NCKAP5: variants seen among roughly 807,000 people sequenced by gnomAD.
NCKAP5 encodes nck-associated protein 5.
Under a neutral mutation model 167.0 loss-of-function variants are expected in NCKAP5, and 92 were observed. The ratio of observed to expected loss-of-function variants is 0.55; its 90% CI spans 0.47 to 0.66. The LOEUF is 0.66. Ranked by LOEUF, NCKAP5 falls within the 30% of genes least tolerant of loss-of-function variation. NCKAP5 has a pLI of 0.00. For missense variants in NCKAP5, 2,378 were observed against 2,315.0 expected, an observed-to-expected ratio of 1.03 and a Z score of -0.56; for synonymous variants, 891 against 877.4, an observed-to-expected ratio of 1.02 and a Z score of -0.27.
At chr2:133,388,898 G>A (rs1179726548) in intron 3 of NCKAP5, among the ~76,000 whole-genome samples, 3 of 152,240 alleles carry the variant, frequency 2.0e-5, no homozygotes, top group African/African-American at 7.2e-5. Context: ...CGCAGTATTA[G>A]GGTGGGAGTG....
At chr2:133,091,241 C>T (rs1281928565) in intron 6 of NCKAP5, among the ~76,000 whole-genome samples, 1 of 152,154 alleles carries the variant, frequency 6.6e-6, no homozygotes, top group East Asian at 1.9e-4. Context: ...TCTTCATAGG[C>T]ATGCAAGAAC....
At chr2:133,360,598 T>C (rs1449965308) in intron 3 of NCKAP5, among the ~76,000 whole-genome samples, 1 of 152,118 alleles carries the variant, frequency 6.6e-6, no homozygotes, top group Non-Finnish European at 1.5e-5. Context: ...AGGAGTCCTT[T>C]CATTGTCTTC....
chr2:133,156,570 C>T (rs190687580), intron 5 of NCKAP5, among the ~76,000 whole-genome samples: 71 of 152,286 alleles, frequency 4.7e-4, no homozygotes, highest in Middle Eastern at 3.4e-3. Context: ...TAACGCTTTG[C>T]TCCACACAAG....
intron 3 of NCKAP5, among the ~76,000 whole-genome samples, chr2:133,411,125 T>C (rs1027762398): frequency 6.6e-6 from 1 of 152,212 alleles, no homozygotes; most frequent in Non-Finnish European, 1.5e-5. Flanking sequence ...ACTTATAAAA[T>C]GAGGATCATA....
At chr2:132,831,738 T>C (rs1194166999) in intron 11 of NCKAP5, among the ~76,000 whole-genome samples, 1 of 152,110 alleles carries the variant, frequency 6.6e-6, no homozygotes, top group Non-Finnish European at 1.5e-5. Context: ...CTTGGTTTTG[T>C]ATTTAAATAT....
chr2:133,434,098 G>A (rs1214621443), intron 3 of NCKAP5, among the ~76,000 whole-genome samples: 5 of 151,456 alleles, frequency 3.3e-5, no homozygotes, highest in Admixed American at 2.0e-4. Context: ...TTAAATACTT[G>A]GAATCAAAAA....
At chr2:132,920,785 A>ATGTATGTATGTGTG (rs1695350045) in intron 8 of NCKAP5, among the ~76,000 whole-genome samples, 1 of 70,872 alleles carries the variant, frequency 1.4e-5, no homozygotes, top group African/African-American at 9.1e-5. Context: ...ATATATATAT[A>ATGTATGTATGTGTG]TATATATATA....
chr2:133,567,913 A>C (rs1688684217), intron 1 of NCKAP5, among the ~76,000 whole-genome samples: 1 of 152,166 alleles, frequency 6.6e-6, no homozygotes, highest in Non-Finnish European at 1.5e-5. Context: ...TTAAAAAACA[A>C]AAACAAAACA....
At chr2:132,932,660 C>T (rs185425851) in intron 8 of NCKAP5, among the ~76,000 whole-genome samples, 2 of 152,062 alleles carry the variant, frequency 1.3e-5, no homozygotes, top group Non-Finnish European at 2.9e-5. Flanking sequence ...GAGTCTATGC[C>T]TAGAAGGGGT....
At chr2:133,281,586 G>A (rs946864625) in intron 4 of NCKAP5, among the ~76,000 whole-genome samples, 3 of 152,010 alleles carry the variant, frequency 2.0e-5, no homozygotes, top group Non-Finnish European at 2.9e-5. Flanking sequence ...TGATACCTAC[G>A]GAATTGAAAA....
At chr2:133,020,459 G>C (rs2078488140) in intron 6 of NCKAP5, among the ~76,000 whole-genome samples, 1 of 152,168 alleles carries the variant, frequency 6.6e-6, no homozygotes, top group South Asian at 2.1e-4. Context: ...ATGTTTTCAG[G>C]AGTCAACAGG....
chr2:133,520,413 T>C (rs1161033105), intron 2 of NCKAP5, among the ~76,000 whole-genome samples: 2 of 152,202 alleles, frequency 1.3e-5, no homozygotes, highest in African/African-American at 4.8e-5. Flanking sequence ...TTCAACAAAT[T>C]ATTTAACCTA....
intron 3 of NCKAP5, among the ~76,000 whole-genome samples, chr2:133,304,818 T>A (rs771781655): frequency 6.6e-6 from 1 of 152,238 alleles, no homozygotes; most frequent in Non-Finnish European, 1.5e-5. Flanking sequence ...GCTTACAGTC[T>A]GTCAAAGGGG....
At chr2:133,069,534 T>C (rs1264839956) in intron 6 of NCKAP5, among the ~76,000 whole-genome samples, 1 of 152,212 alleles carries the variant, frequency 6.6e-6, no homozygotes, top group Admixed American at 6.5e-5. Context: ...TTAATAGCCA[T>C]TGTTGCTTAA....
chr2:133,611,335 C>T, the NCKAP5 span, among the ~76,000 whole-genome samples: 12 of 149,224 alleles, frequency 8.0e-5, no homozygotes, highest in Non-Finnish European at 1.3e-4. Flanking sequence ...TTCAAGGTTA[C>T]AGCAGCCATA....
chr2:133,663,518 A>G, the NCKAP5 span, among the ~76,000 whole-genome samples: 1 of 151,594 alleles, frequency 6.6e-6, no homozygotes, highest in Middle Eastern at 3.2e-3. Flanking sequence ...ATCCTCTCAA[A>G]CCCTGCTGCT....
chr2:133,477,922 A>G (rs1680075573), intron 3 of NCKAP5, among the ~76,000 whole-genome samples: 1 of 152,120 alleles, frequency 6.6e-6, no homozygotes, highest in Non-Finnish European at 1.5e-5. Context: ...TTATTTCTGG[A>G]TTTTCCCTTT....
chr2:132,892,464 A>G (rs1407306837), intron 8 of NCKAP5, among the ~76,000 whole-genome samples: 10 of 152,208 alleles, frequency 6.6e-5, no homozygotes, highest in Admixed American at 3.9e-4. Context: ...ATACAAATCT[A>G]TGACTTTCAA....
At chr2:132,807,250 G>T (rs1235781180) in intron 11 of NCKAP5, among the ~76,000 whole-genome samples, 1 of 151,972 alleles carries the variant, frequency 6.6e-6, no homozygotes, top group Non-Finnish European at 1.5e-5. Context: ...GCTCTTTTAT[G>T]GTTCCATATG....
Sources: gnomAD v4.1 joint callset for allele counts (sites outside exome capture counted in the v4.1 genomes callset) on GRCh38, gnomAD v4.1.1 for gene constraint, MANE v1.5 for transcripts, NCBI Gene and HGNC (gene_info 2026-07-23, HGNC 2026-07-21) for gene names.